AGL: variants seen among roughly 807,000 people sequenced by gnomAD.
The protein encoded by AGL is glycogen debranching enzyme.
In AGL, 128 loss-of-function variants were observed where a neutral mutation model predicts 199.3. The observed-to-expected ratio is 0.64, with a 90% CI of 0.56 to 0.74. AGL has a LOEUF of 0.74. Among genes scored for constraint, AGL ranks in the 30% least tolerant of loss-of-function variants. The probability of loss-of-function intolerance (pLI) is 0.00; values close to 1 mark genes in which losing one functional copy is unlikely to be tolerated. For missense variants in AGL, 1,809 were observed against 1,820.8 expected (o/e 0.99, Z 0.12); for synonymous variants, 584 against 594.7 (o/e 0.98, Z 0.26).
At chr1:99,883,452 A>G (rs1273072658) in intron 17 of AGL, among the ~76,000 whole-genome samples, 2 of 152,158 alleles carry the variant, frequency 1.3e-5, no homozygotes, top group African/African-American at 2.4e-5. Context: ...TAGAACAGAT[A>G]TATTTTGGTA....
chr1:99,865,925 G>A (rs574592), intron 5 of AGL, among the ~76,000 whole-genome samples: 115,429 of 152,112 alleles, frequency 0.76, 44,488 homozygotes, highest in African/African-American at 0.91. Context: ...CCAGTTCTAC[G>A]GTGAAAACTT....
At chr1:99,852,436 C>G (rs1288351930) in intron 2 of AGL, 1 of 413,112 alleles carries the variant, frequency 2.4e-6, no homozygotes, top group African/African-American at 2.2e-5. Context: ...GTGGCATGAT[C>G]ATGGCTCAGT....
intron 12 of AGL, among the ~76,000 whole-genome samples, chr1:99,878,429 T>C (rs1651736880): frequency 6.6e-6 from 1 of 152,038 alleles, no homozygotes; most frequent in African/African-American, 2.4e-5. Flanking sequence ...ATCGATTTAA[T>C]TTTTATTATT....
At chr1:99,906,456 T>C (rs1654301324) in intron 27 of AGL, among the ~76,000 whole-genome samples, 1 of 152,196 alleles carries the variant, frequency 6.6e-6, no homozygotes, top group Non-Finnish European at 1.5e-5. Context: ...TATATTAACA[T>C]TGTTGTGGAA....
Position 99,923,053 on chromosome 1 carries a change from C to T in AGL, c.*1402C>T, listed in dbSNP as rs1323963589. 1.3e-5 allele frequency: 2 copies of T among 152,116 alleles called. No individual in the cohort carries two copies. Among genetic ancestry groups the T allele is most frequent in the Non-Finnish European group, 2.9e-5 (2 of 67,964 alleles). 9.4% of individuals were successfully genotyped at this position (152,116 alleles called of 1,614,324 possible). ...CTCGTGTAATTTACTTTAAGATTAT[C>T]TGCCTGCTCTTCTTCAAAGCTGACC... On this transcript the variant is annotated 3_prime_UTR_variant, in exon 34 of 34. Transcript: ENST00000361915.
rs75076115 is a variant in AGL at position 99,916,700 on chromosome 1, G to T, written c.4450G>T (p.Val1484Phe). ...AAAGACTATAGTTTTGGTTAAAAAT[G>T]TTCTTTCCCGACATTATGTTCATCT... ...TAKTIVLVKNVLSRHYVHLER... is the reference protein window; with the variant it reads ...TAKTIVLVKNFLSRHYVHLER... Residue 1484 changes from valine to phenylalanine, a missense_variant, in exon 33 of 34, where the codon GTT (valine) becomes TTT (phenylalanine). Transcript: ENST00000361915. 2 of 1,613,260 alleles carry T rather than the reference G, an allele frequency of 1.2e-6. No individual in the cohort carries two copies. The highest frequency in any genetic ancestry group is 8.5e-7 in the Non-Finnish European group (1 of 1,179,514).
chr1:99,910,843 C>T lies in AGL; in HGVS notation c.3832C>T (p.Pro1278Ser), dbSNP rs756858217. 6.2e-7 allele frequency: 1 copy of T among 1,612,378 alleles called. No individual in the cohort carries two copies. Among genetic ancestry groups the T allele is most frequent in the South Asian group, 1.1e-5 (1 of 90,944 alleles). ...RARNRGIPATPRDGSAVEIVG... is the reference protein window; with the variant it reads ...RARNRGIPATSRDGSAVEIVG... ...TAGAAACAGAGGAATCCCAGCCACA[C>T]CAAGGTAGTGTAAATGTTATAATGC... Residue 1278 changes from proline to serine, a missense_variant, in exon 28 of 34, where the codon CCA becomes TCA. Transcript: ENST00000361915.
intron 25 of AGL, among the ~76,000 whole-genome samples, chr1:99,896,772 T>G (rs1653357477): frequency 6.6e-6 from 1 of 152,216 alleles, no homozygotes; most frequent in African/African-American, 2.4e-5. Flanking sequence ...CCTCCAGTTT[T>G]ATGTTTTCTA....
rs186500963 is a variant in AGL at position 99,886,501 on chromosome 1, G to A, written c.2682-1477G>A. Among the ~76,000 whole-genome samples, 52 of 151,734 alleles carry A rather than the reference G, an allele frequency of 3.4e-4. No homozygotes were observed. The South Asian group carries it at 5.6e-3, about 16-fold the overall frequency. ...CCCTGTCTCTAGAAAAAAAAAAAGA[G>A]ATCTTTGAGAATTTATAATAGACAT... On this transcript the variant is annotated intron_variant, in intron 20 of 33. Transcript: ENST00000361915.
At chr1:99,893,442 T>G (rs1248132791) in intron 24 of AGL, among the ~76,000 whole-genome samples, 1 of 152,238 alleles carries the variant, frequency 6.6e-6, no homozygotes, top group Non-Finnish European at 1.5e-5. Flanking sequence ...TTTGACTGTT[T>G]GATCTCCTGG....
rs58319897 is a variant in AGL at position 99,866,800 on chromosome 1, T to TTTTC, written c.664+2214_664+2215insCTTT. 3.9e-3 allele frequency among the ~76,000 whole-genome samples: 595 copies of TTTTC among 151,128 alleles called. 13 individuals are homozygous for TTTTC. Among genetic ancestry groups the TTTTC allele is most frequent in the Non-Finnish European group, 4.1e-3 (279 of 67,746 alleles). ...TATCCTTTCTGTGAAACAAGTTTTC[T>TTTTC]TTTATTTATTTATTTTATTTATTTT... On this transcript the variant is annotated intron_variant, in intron 5 of 33. Transcript: ENST00000361915.
At chr1:99,880,597 T>G in intron 13 of AGL, 35 bp from the exon 14 acceptor site, 1 of 1,605,174 alleles carries the variant, frequency 6.2e-7, no homozygotes, top group African/African-American at 1.3e-5. Context: ...ACATAAATAA[T>G]GAAGATTGTT....
rs372116308 is a variant in AGL, at chr1:99,921,627, T to A, written c.4575T>A (p.Ile1525=). The change falls in exon 34 of 34, where the codon ATT becomes ATA. Residue 1525 remains isoleucine, a synonymous_variant. Coordinates refer to ENST00000361915, the MANE Select transcript of AGL (RefSeq NM_000642.3). Reference sequence around the variant, plus strand: ...CACAAGCCTGGTCAATTGCTACTATTCTTGAGACACTTTATGATTTATAGT... The same window carrying A: ...CACAAGCCTGGTCAATTGCTACTATACTTGAGACACTTTATGATTTATAGT... ...CETQAWSIAT[I]LETLYDL The A allele has an allele frequency of 1.5e-4, 245 of 1,609,960 alleles. No homozygotes were observed. In the Middle Eastern group the frequency reaches 1.7e-3, roughly 11 times the overall value.
chr1:99,863,563 C>G (rs1650249519), intron 4 of AGL, among the ~76,000 whole-genome samples: 1 of 152,080 alleles, frequency 6.6e-6, no homozygotes, highest in Admixed American at 6.6e-5. Flanking sequence ...CACCATTCTT[C>G]TGCCTCAGCC....
At chr1:99,884,051 C>A in intron 17 of AGL, 69 bp from the exon 18 acceptor site, 1 of 1,323,308 alleles carries the variant, frequency 7.6e-7, no homozygotes, top group Non-Finnish European at 1.1e-6. Context: ...GATTTGAAAC[C>A]ACTTTAGCCT....
intron 27 of AGL, among the ~76,000 whole-genome samples, chr1:99,910,386 G>A (rs907989538): frequency 6.6e-6 from 1 of 152,136 alleles, no homozygotes; most frequent in Non-Finnish European, 1.5e-5. Flanking sequence ...AAACTACAGT[G>A]TTTATCCATT....
intron 2 of AGL, among the ~76,000 whole-genome samples, chr1:99,857,422 G>A (rs1342411647): frequency 7.2e-5 from 11 of 152,178 alleles, no homozygotes; most frequent in Non-Finnish European, 1.6e-4. Flanking sequence ...CGGCCGGGCA[G>A]AGGCTGCAGT....
chr1:99,891,647 G>A lies in AGL; in HGVS notation c.2991G>A (p.Gln997=), dbSNP rs1570464401. ...AGGCTATGTTCTTCTACCTGAAGCA[G>A]ATCCCACGTTACCTTATCCCATGTT... The part of the protein sequence containing the change: ...WLQAMFFYLK[Q]IPRYLIPCYF... Residue 997 remains glutamine, a synonymous_variant, in exon 23 of 34, where the codon CAG becomes CAA. Coordinates refer to ENST00000361915, the MANE Select transcript of AGL (RefSeq NM_000642.3). 1 of 1,613,644 alleles carries A rather than the reference G, an allele frequency of 6.2e-7. No homozygotes were observed. The highest frequency in any genetic ancestry group is 2.2e-5 in the East Asian group (1 of 44,824).
chr1:99,875,452 C>T lies in AGL; in HGVS notation c.1280C>T (p.Thr427Ile), dbSNP rs897697440. 9 of 1,613,728 alleles carry T rather than the reference C, an allele frequency of 5.6e-6. No homozygotes were observed. Among genetic ancestry groups the T allele is most frequent in the African/African-American group, 2.7e-5 (2 of 74,898 alleles). ...GPVTRKHPLV[T>I]RYFTFPFEEI... The stretch of plus-strand genomic sequence containing the variant: ...GTCACTAGAAAGCATCCTTTAGTTA[C>T]CAGGTGTTGCATTTTTGTTTTTTTT... The change falls in exon 10 of 34, where the codon ACC (threonine) becomes ATC (isoleucine). Residue 427 changes from threonine to isoleucine, a missense_variant. Physicochemically the swap from Thr to Ile is moderately conservative, Grantham distance 89. Transcript: ENST00000361915.
Sources: gnomAD v4.1 joint callset for allele counts (sites outside exome capture counted in the v4.1 genomes callset) on GRCh38, gnomAD v4.1.1 for gene constraint, MANE v1.5 for transcripts, NCBI Gene and HGNC (gene_info 2026-07-23, HGNC 2026-07-21) for gene names.